The following DMD variants were observed in gnomAD, a reference collection of about 807,000 sequenced individuals.
DMD encodes the protein dystrophin.
DMD carries 63 observed loss-of-function variants against 330.1 expected under a neutral mutation model. The observed-to-expected ratio is 0.19, with a 90% CI of 0.16 to 0.24. DMD has a LOEUF of 0.24. Among genes scored for constraint, DMD ranks in the 10% least tolerant of loss-of-function variants. DMD has a pLI of 1.00. For missense variants in DMD, 3,344 were observed against 2,684.1 expected, an observed-to-expected ratio of 1.25 and a Z score of -5.43; for synonymous variants, 1,223 against 959.8, an observed-to-expected ratio of 1.27 and a Z score of -5.07.
At chrX:32,014,387 C>G (rs2095742710) in intron 44 of DMD, among the ~76,000 whole-genome samples, 1 of 111,338 alleles carries the variant, frequency 9.0e-6, no homozygotes, top group African/African-American at 3.3e-5. Context: ...ATTTTTAATA[C>G]AACTCTACAT....
intron 9 of DMD, among the ~76,000 whole-genome samples, chrX:32,689,832 C>G (rs1432709583): frequency 9.1e-6 from 1 of 110,405 alleles, no homozygotes; most frequent in Non-Finnish European, 1.9e-5. Context: ...ACTTGTTTGG[C>G]AAAATTCAAC....
At chrX:32,810,196 T>TG (rs1040061213) in intron 6 of DMD, among the ~76,000 whole-genome samples, 2 of 111,120 alleles carry the variant, frequency 1.8e-5, no homozygotes, top group Non-Finnish European at 3.8e-5. Context: ...AATAAAGATG[T>TG]GGGGAAAAAA....
intron 44 of DMD, among the ~76,000 whole-genome samples, chrX:32,047,699 ACT>A (rs1233598121): frequency 9.0e-6 from 1 of 110,878 alleles, no homozygotes; most frequent in Non-Finnish European, 1.9e-5. Context: ...AGTTGCCAAG[ACT>A]CTACTTTAGG....
chrX:31,339,578 T>C (rs756159697), intron 61 of DMD, among the ~76,000 whole-genome samples: 2 of 112,041 alleles, frequency 1.8e-5, no homozygotes, highest in Non-Finnish European at 3.8e-5. Context: ...CTTATTTTGA[T>C]GTTTTTATTT....
rs2148564482 is a variant in DMD, at chrX:31,206,637, A to T, written c.9594T>A (p.Ser3198=). ...ACAGGGAAATGATGCCAGTTTTAAA[A>T]GACAGGACACGGATCCTCCCTGTTC... The part of the protein sequence containing the change: ...TGRTGRIRVL[S]FKTGIISLCK... Residue 3198 remains serine (S), a synonymous_variant, in exon 66 of 79, where the codon TCT becomes TCA. Coordinates refer to ENST00000357033, the MANE Select transcript of DMD (RefSeq NM_004006.3). The T allele has an allele frequency of 8.3e-7, 1 of 1,211,037 alleles. No homozygotes were observed. The highest frequency in any genetic ancestry group is 1.1e-6 in the Non-Finnish European group (1 of 894,864).
chrX:32,491,638 CA>C (rs2043008404), intron 19 of DMD, 120 bp from the exon 20 acceptor site: 2 of 671,913 alleles, frequency 3.0e-6, no homozygotes, highest in Non-Finnish European at 4.4e-6. Context: ...CAAACCAGAT[CA>C]ATTATTTTCT....
intron 30 of DMD, among the ~76,000 whole-genome samples, chrX:32,409,484 C>A (rs2098133135): frequency 9.0e-6 from 1 of 111,206 alleles, no homozygotes; most frequent in African/African-American, 3.3e-5. Flanking sequence ...TTTATAAAAT[C>A]CTGAATCCAT....
At chrX:32,435,297 T>TATATATATATATATATATATATATATA (rs1557355914) in intron 29 of DMD, among the ~76,000 whole-genome samples, 35 of 99,258 alleles carry the variant, frequency 3.5e-4, no homozygotes, top group Non-Finnish European at 6.7e-4. Flanking sequence ...TATATATATA[T>TATATATATATATATATATATATATATA]TTACACCCAT....
At chrX:31,406,902 T>A (rs1300024807) in intron 60 of DMD, among the ~76,000 whole-genome samples, 1 of 111,599 alleles carries the variant, frequency 9.0e-6, no homozygotes, top group Non-Finnish European at 1.9e-5. Context: ...CAAAGGCACA[T>A]TTAAGGCACC....
At chrX:32,648,658 AAAG>A (rs1475178137) in intron 9 of DMD, among the ~76,000 whole-genome samples, 1 of 112,173 alleles carries the variant, frequency 8.9e-6, no homozygotes, top group East Asian at 2.8e-4. Flanking sequence ...ACCGACGAAA[AAAG>A]AAATTTGCCT....
chrX:32,714,323 C>T (rs889269473), intron 7 of DMD, among the ~76,000 whole-genome samples: 1 of 111,360 alleles, frequency 9.0e-6, no homozygotes, highest in Admixed American at 9.6e-5. Flanking sequence ...ACCCCCTTCC[C>T]ACTCTCCCAT....
chrX:32,277,824 G>A (rs1288577873), intron 43 of DMD, among the ~76,000 whole-genome samples: 1 of 110,513 alleles, frequency 9.0e-6, no homozygotes, highest in Non-Finnish European at 1.9e-5. Flanking sequence ...AGTACTAAGA[G>A]AGAAATTTAC....
At chrX:31,425,129 A>T (rs1446362421) in intron 60 of DMD, among the ~76,000 whole-genome samples, 1 of 112,322 alleles carries the variant, frequency 8.9e-6, no homozygotes, top group African/African-American at 3.2e-5. Flanking sequence ...CTATAATTTC[A>T]GTATTGATTT....
rs186462745 is a variant in DMD, at chrX:32,179,879, G to T, written c.6438+37037C>A. 1.7e-4 allele frequency among the ~76,000 whole-genome samples: 19 copies of T among 111,812 alleles called. No individual in the cohort carries two copies. The Admixed American group carries it at 1.7e-3, about 10-fold the overall frequency. ...CTGCCACCATGTAAGCCATGCCTTT[G>T]CTACCCCTTCACCTTCCACCATGAT... On this transcript the variant is annotated intron_variant, in intron 44 of 78. Transcript: ENST00000357033.
intron 2 of DMD, among the ~76,000 whole-genome samples, chrX:32,951,723 C>G (rs1034844323): frequency 9.0e-6 from 1 of 111,649 alleles, no homozygotes; most frequent in Non-Finnish European, 1.9e-5. Flanking sequence ...TTGCAATGAT[C>G]TGAGGTACCT....
chrX:32,577,964 T>C (rs1190346245), intron 13 of DMD, among the ~76,000 whole-genome samples: 1 of 112,504 alleles, frequency 8.9e-6, no homozygotes, highest in East Asian at 2.8e-4. Flanking sequence ...TTTATGGATT[T>C]ACCTATTTAT....
At chrX:32,144,956 C>T (rs186634741) in intron 44 of DMD, among the ~76,000 whole-genome samples, 68 of 111,528 alleles carry the variant, frequency 6.1e-4, no homozygotes, top group Non-Finnish European at 1.1e-3. Context: ...ATCGCTTGAA[C>T]CTGGGTGGTA....
intron 44 of DMD, among the ~76,000 whole-genome samples, chrX:32,031,687 C>CT (rs2095884612): frequency 4.5e-5 from 5 of 111,905 alleles, no homozygotes; most frequent in Non-Finnish European, 9.4e-5. Context: ...TCATTCCTGG[C>CT]ATATTTCTGT....
intron 11 of DMD, among the ~76,000 whole-genome samples, chrX:32,618,918 T>C (rs963014920): frequency 9.0e-6 from 1 of 111,255 alleles, no homozygotes; most frequent in African/African-American, 3.3e-5. Flanking sequence ...CCTTGAAATA[T>C]GAACAACAAA....
Sources: allele counts gnomAD v4.1 joint callset (sites outside exome capture counted in the v4.1 genomes callset), GRCh38; gene constraint gnomAD v4.1.1; transcripts MANE v1.5; gene names NCBI Gene and HGNC (gene_info 2026-07-23, HGNC 2026-07-21).